Variants in RIN2 observed in about 807,000 individuals in gnomAD.
The protein encoded by RIN2 is Ras and Rab interactor 2.
A neutral mutation model predicts 78.0 loss-of-function variants in RIN2; 36 were observed. That is an observed-to-expected ratio of 0.46 (90% confidence interval 0.35 to 0.61). RIN2 has a LOEUF of 0.61. Ranked by LOEUF, RIN2 falls within the 20% of genes least tolerant of loss-of-function variation. RIN2 has a pLI of 0.00. For synonymous variants in RIN2, 466 were observed against 466.8 expected (o/e 1.00, Z 0.02); for missense variants, 1,087 against 1,159.7 (o/e 0.94, Z 0.91).
intron 2 of RIN2, among the ~76,000 whole-genome samples, chr20:19,835,531 A>C (rs1283305230): frequency 6.6e-6 from 1 of 152,232 alleles, no homozygotes; most frequent in Non-Finnish European, 1.5e-5. Flanking sequence ...ACCGAATTTC[A>C]CATCATTTAC....
At chr20:19,948,344 C>T (rs11697700) in intron 4 of RIN2, among the ~76,000 whole-genome samples, 15,986 of 152,138 alleles carry the variant, frequency 0.11, 902 homozygotes, top group African/African-American at 0.14. Context: ...CAATCCCATC[C>T]TAGCTGAATT....
chr20:19,821,521 A>G (rs1906773305), intron 2 of RIN2, among the ~76,000 whole-genome samples: 1 of 152,068 alleles, frequency 6.6e-6, no homozygotes, highest in Non-Finnish European at 1.5e-5. Context: ...TGGCCTAAGG[A>G]TGATCTGATC....
At chr20:19,905,910 G>A (rs1163861797) in intron 3 of RIN2, among the ~76,000 whole-genome samples, 1 of 152,188 alleles carries the variant, frequency 6.6e-6, no homozygotes, top group African/African-American at 2.4e-5. Flanking sequence ...GAGAAAGTTT[G>A]CTGACCACTG....
chr20:19,986,627 G>A (rs931557142), intron 9 of RIN2, among the ~76,000 whole-genome samples: 11 of 152,116 alleles, frequency 7.2e-5, no homozygotes, highest in Non-Finnish European at 1.5e-4. Flanking sequence ...TGCTAGTAAC[G>A]ACTTTTCTGA....
chr20:19,827,291 A>G (rs1299739724), intron 2 of RIN2, among the ~76,000 whole-genome samples: 1 of 152,086 alleles, frequency 6.6e-6, no homozygotes, highest in Non-Finnish European at 1.5e-5. Flanking sequence ...CTAATTTTCT[A>G]GTCTAATAGC....
intron 2 of RIN2, among the ~76,000 whole-genome samples, chr20:19,827,625 T>C (rs1326469909): frequency 2.6e-5 from 4 of 152,072 alleles, no homozygotes; most frequent in African/African-American, 7.2e-5. Flanking sequence ...GTCCTCCAGA[T>C]TGGAAAAGAA....
intron 2 of RIN2, among the ~76,000 whole-genome samples, chr20:19,865,041 A>G (rs2037458778): frequency 6.6e-6 from 1 of 152,168 alleles, no homozygotes; most frequent in Admixed American, 6.6e-5. Flanking sequence ...TTTTACATCA[A>G]AGATGCTGGG....
At chr20:19,851,021 G>A (rs2036946529) in intron 2 of RIN2, among the ~76,000 whole-genome samples, 1 of 117,334 alleles carries the variant, frequency 8.5e-6, no homozygotes, top group South Asian at 3.0e-4. Context: ...AAGGAAGGAA[G>A]GAAGGAAGGA....
intron 1 of RIN2, among the ~76,000 whole-genome samples, chr20:19,785,297 C>CAT (rs145659094): frequency 0.092 from 14,038 of 152,084 alleles, 702 homozygotes; most frequent in South Asian, 0.18. Context: ...CACACACACA[C>CAT]ACACCAGAGC....
At chr20:19,792,776 G>A (rs752234431) in intron 1 of RIN2, among the ~76,000 whole-genome samples, 11 of 152,198 alleles carry the variant, frequency 7.2e-5, no homozygotes, top group Non-Finnish European at 1.5e-4. Flanking sequence ...GGCTGTCGGG[G>A]TGATTTGAGG....
At chr20:19,913,140 A>C (rs538387223) in intron 3 of RIN2, among the ~76,000 whole-genome samples, 24 of 152,188 alleles carry the variant, frequency 1.6e-4, no homozygotes, top group Non-Finnish European at 3.1e-4. Context: ...ATTCATAAAC[A>C]AAAAGAAACT....
chr20:19,925,373 CTT>C (rs1388959345), intron 3 of RIN2, among the ~76,000 whole-genome samples: 1 of 152,138 alleles, frequency 6.6e-6, no homozygotes, highest in African/African-American at 2.4e-5. Flanking sequence ...ATAAAGGAGA[CTT>C]TATTACTTCA....
intron 3 of RIN2, among the ~76,000 whole-genome samples, chr20:19,926,370 G>A (rs2040221483): frequency 6.6e-6 from 1 of 152,100 alleles, no homozygotes; most frequent in Non-Finnish European, 1.5e-5. Context: ...CTCCAAAGGT[G>A]TGCTTGCATC....
At chr20:19,815,510 G>T (rs1453731503) in intron 2 of RIN2, among the ~76,000 whole-genome samples, 1 of 152,176 alleles carries the variant, frequency 6.6e-6, no homozygotes, top group Non-Finnish European at 1.5e-5. Context: ...GCCATCAATA[G>T]ATTTCTTAGG....
intron 1 of RIN2, among the ~76,000 whole-genome samples, chr20:19,760,094 T>A (rs959219346): frequency 6.6e-6 from 1 of 152,184 alleles, no homozygotes; most frequent in Non-Finnish European, 1.5e-5. Context: ...GATATAGAGG[T>A]GCTAATTTTC....
chr20:19,925,337 A>G (rs961460723), intron 3 of RIN2, among the ~76,000 whole-genome samples: 12 of 152,248 alleles, frequency 7.9e-5, no homozygotes, highest in Admixed American at 5.9e-4. Context: ...GCAAAGCTGT[A>G]TATACTGTAT....
Position 19,896,633 on chromosome 20 carries a change from A to C in RIN2, c.57+6975A>C, listed in dbSNP as rs569474966. ...GCAGTGGAAACAGCAGAGCAAGTAG[A>C]GATTTAGTCACAGTGACAATTTACT... On this transcript the variant is annotated intron_variant, in intron 3 of 12. Coordinates refer to ENST00000255006, the MANE Select transcript of RIN2 (RefSeq NM_018993.4). Among the ~76,000 whole-genome samples, 14 of 152,324 alleles carry C rather than the reference A, an allele frequency of 9.2e-5. No individual in the cohort carries two copies. The East Asian group carries it at 2.7e-3, about 29-fold the overall frequency.
intron 2 of RIN2, among the ~76,000 whole-genome samples, chr20:19,802,854 C>CTG: frequency 6.6e-6 from 1 of 152,268 alleles, no homozygotes; most frequent in East Asian, 1.9e-4. Context: ...CCAGCCCCTG[C>CTG]TGGACCCTGT....
Position 19,876,584 on chromosome 20 carries a change from G to T in RIN2, c.-36-12982G>T, listed in dbSNP as rs537835147. ...TAACAGACAGGCGAAATGGGGATAT[G>T]TGAGTAAAAGCCCTTTATAAATCAA... On this transcript the variant is annotated intron_variant, in intron 2 of 12. Transcript: ENST00000255006. Among the ~76,000 whole-genome samples the T allele has an allele frequency of 5.3e-5, 8 of 152,136 alleles. No homozygotes were observed. In the East Asian group the frequency reaches 1.5e-3, roughly 29 times the overall value.
Sources: allele counts gnomAD v4.1 joint callset (sites outside exome capture counted in the v4.1 genomes callset), GRCh38; gene constraint gnomAD v4.1.1; transcripts MANE v1.5; gene names NCBI Gene and HGNC (gene_info 2026-07-23, HGNC 2026-07-21).